The following SAMD11 variants were observed in gnomAD, a reference collection of about 807,000 sequenced individuals.
The protein encoded by SAMD11 is sterile alpha motif domain containing 11, also known as sterile alpha motif domain-containing protein 11.
SAMD11 carries 77 observed loss-of-function variants against 64.4 expected under a neutral mutation model. The observed-to-expected ratio is 1.20, with a 90% confidence interval of 0.99 to 1.44. The LOEUF (loss-of-function observed/expected upper bound fraction) is 1.44. Among genes scored for constraint, SAMD11 ranks in the 40% most tolerant of loss-of-function variants. The probability of loss-of-function intolerance (pLI) is 0.00; values close to 1 mark genes in which losing one functional copy is unlikely to be tolerated. For missense variants in SAMD11, 1,402 were observed against 943.3 expected (o/e 1.49, Z -6.37); for synonymous variants, 658 against 421.9 (o/e 1.56, Z -6.86).
intron 2 of SAMD11, among the ~76,000 whole-genome samples, chr1:928,069 G>A (rs1258452958): frequency 3.3e-5 from 5 of 152,260 alleles, no homozygotes; most frequent in African/African-American, 9.6e-5. Context: ...AAGAAGCAGA[G>A]AGCAAAGCAT....
rs368585861 is a variant in SAMD11, at chr1:939,368, T to C, written c.1151T>C (p.Phe384Ser). The change falls in exon 7 of 14, where the codon TTT becomes TCT. Residue 384 changes from phenylalanine to serine, a missense_variant. Transcript: ENST00000616016. ...TCAGCACTGAGCGAGGCCAGCACCTTTGAGGACCCTCAGCGCCTCTACCAC... is the reference window on the plus strand; with the variant it reads ...TCAGCACTGAGCGAGGCCAGCACCTCTGAGGACCCTCAGCGCCTCTACCAC... ...LVSALSEAST[F>S]EDPQRLYHLG... The C allele has an allele frequency of 2.2e-5, 35 of 1,605,754 alleles. No individual in the cohort carries two copies. The highest frequency in any genetic ancestry group is 5.1e-6 in the Non-Finnish European group (6 of 1,179,444).
In SAMD11 at chr1:936,152, AG is replaced by A. The variant is rs756684605; in HGVS notation, c.967+259del. Among the ~76,000 whole-genome samples the A allele has an allele frequency of 2.6e-5, 4 of 152,168 alleles. No homozygotes were observed. The East Asian group carries it at 5.8e-4, about 22-fold the overall frequency. ...CGGGGCCCTGCCACCCCCTTTCCAC[AG>A]GGCAGACGTAGGCGTGGCCTCAGAG... On this transcript the variant is annotated intron_variant, in intron 5 of 13. Coordinates refer to ENST00000616016, the MANE Select transcript of SAMD11 (RefSeq NM_001385641.1).
chr1:936,539 C>T (rs563773989), intron 5 of SAMD11, among the ~76,000 whole-genome samples: 112 of 152,178 alleles, frequency 7.4e-4, no homozygotes, highest in African/African-American at 2.2e-3. Flanking sequence ...GGGGACCAGG[C>T]CCCCCTCAGA....
chr1:926,490 G>A (rs1640898060), intron 2 of SAMD11, among the ~76,000 whole-genome samples: 1 of 152,194 alleles, frequency 6.6e-6, no homozygotes, highest in Admixed American at 6.5e-5. Flanking sequence ...AAGGCCAGAG[G>A]GTGCAAGGGC....
Position 943,289 on chromosome 1 carries a change from C to T in SAMD11, c.2090C>T (p.Ala697Val), listed in dbSNP as rs1176980709. 2 of 1,612,592 alleles carry T rather than the reference C, an allele frequency of 1.2e-6. No individual in the cohort carries two copies. Among genetic ancestry groups the T allele is most frequent in the South Asian group, 1.1e-5 (1 of 91,060 alleles). The change falls in exon 12 of 14, where the codon GCC becomes GTC. Residue 697 changes from alanine (A) to valine (V), a missense_variant. Ala to Val is a moderately conservative substitution (Grantham distance 64, BLOSUM62 0). Transcript: ENST00000616016. ...VGGLSMDGEE[A>V]PAPEDVTKWT... The stretch of plus-strand genomic sequence containing the variant: ...GGACTCTCCATGGATGGGGAGGAGG[C>T]CCCAGCCCCTGAGGACGTCACCAAG...
At chr1:938,541 C>T (rs944624761) in intron 5 of SAMD11, among the ~76,000 whole-genome samples, 17 of 152,090 alleles carry the variant, frequency 1.1e-4, no homozygotes, top group Admixed American at 7.9e-4. Flanking sequence ...GGAGGCGCCT[C>T]GAGGCGGCCT....
At chr1:941,014 A>ACCAG (rs1408417188) in intron 7 of SAMD11, 130 bp from the exon 8 acceptor site, 1 of 776,296 alleles carries the variant, frequency 1.3e-6, no homozygotes, top group East Asian at 3.1e-5. Context: ...CGTGCCCGAG[A>ACCAG]CCAGCCCAGG....
At chr1:933,907 G>A (rs1641284902) in intron 4 of SAMD11, among the ~76,000 whole-genome samples, 1 of 152,132 alleles carries the variant, frequency 6.6e-6, no homozygotes, top group Admixed American at 6.5e-5. Context: ...GGTCAGGGGA[G>A]CCGGGAGCTA....
rs899747870 is a variant in SAMD11, at chr1:943,271, C to A, written c.2072C>A (p.Ser691Tyr). 1.2e-6 allele frequency: 2 copies of A among 1,612,726 alleles called. No homozygotes were observed. Among genetic ancestry groups the A allele is most frequent in the Non-Finnish European group, 1.7e-6 (2 of 1,179,864 alleles). ...YFHTGAVGGL[S>Y]MDGEEAPAPE... is the part of the protein sequence containing the mutation. ...AACTCAGGCGCGGTAGGGGGACTCT[C>A]CATGGATGGGGAGGAGGCCCCAGCC... The change falls in exon 12 of 14, where the codon TCC becomes TAC. Residue 691 changes from serine to tyrosine, a missense_variant. Ser to Tyr is a moderately radical substitution (Grantham distance 144). Transcript: ENST00000616016.
Position 939,037 on chromosome 1 carries a change from C to T in SAMD11, c.968-3C>T. 6.3e-7 allele frequency: 1 copy of T among 1,595,122 alleles called. No homozygotes were observed. The highest frequency in any genetic ancestry group is 8.5e-7 in the Non-Finnish European group (1 of 1,170,898). On this transcript the variant is annotated splice_polypyrimidine_tract_variant and splice_region_variant and intron_variant, in intron 5 of 13. Transcript: ENST00000616016. ...CAGGTGGGCACTCACTACCCTCCCG[C>T]AGGTGACCTGTTGGGCAAGAGGCTG... is the stretch of plus-strand genomic sequence containing the variant.
At chr1:932,630 C>A (rs539531468) in intron 4 of SAMD11, among the ~76,000 whole-genome samples, 15 of 152,162 alleles carry the variant, frequency 9.9e-5, no homozygotes, top group Non-Finnish European at 2.1e-4. Flanking sequence ...TCAGCCTGTC[C>A]CTGGGTCCTT....
intron 9 of SAMD11, 55 bp from the exon 10 acceptor site, chr1:942,355 G>A (rs1289337331): frequency 1.6e-6 from 2 of 1,214,860 alleles, no homozygotes; most frequent in Non-Finnish European, 2.2e-6. Flanking sequence ...ATTGCAAAGG[G>A]CCGGCTCGGA....
At chr1:941,095 G>A (rs1173965955) in intron 7 of SAMD11, 49 bp from the exon 8 acceptor site, 3 of 1,510,654 alleles carry the variant, frequency 2.0e-6, no homozygotes, top group Admixed American at 1.9e-5. Context: ...GGGCTGGGGA[G>A]GATGAGGGCG....
chr1:930,017 G>C, intron 2 of SAMD11, 138 bp from the exon 3 acceptor site: 15 of 1,033,662 alleles, frequency 1.5e-5, no homozygotes, highest in Non-Finnish European at 2.1e-5. Flanking sequence ...CCTCTGCCGT[G>C]CTTGGGGCTC....
At chr1:927,108 C>G (rs1419438925) in intron 2 of SAMD11, among the ~76,000 whole-genome samples, 2 of 152,152 alleles carry the variant, frequency 1.3e-5, no homozygotes, top group Non-Finnish European at 2.9e-5. Flanking sequence ...CACCCATGTG[C>G]CCACCTGACA....
At chr1:939,541 G>A in intron 7 of SAMD11, 129 bp downstream of exon 7, 5 of 1,519,566 alleles carry the variant, frequency 3.3e-6, no homozygotes, top group Non-Finnish European at 4.4e-6. Context: ...CTGAGGCCCT[G>A]CTGACACCAA....
chr1:932,924 C>T (rs1641236714), intron 4 of SAMD11, among the ~76,000 whole-genome samples: 1 of 152,246 alleles, frequency 6.6e-6, no homozygotes, highest in Non-Finnish European at 1.5e-5. Context: ...GGAAAATGGG[C>T]AAGGGCTAGG....
rs1642029182 is a variant in SAMD11, at chr1:944,522, C to T, written c.*369C>T. On this transcript the variant is annotated 3_prime_UTR_variant, in exon 14 of 14. Coordinates refer to ENST00000616016, the MANE Select transcript of SAMD11 (RefSeq NM_001385641.1). Reference sequence around the variant, plus strand: ...AGCAGCCACACCAGCCCAGCCCAGCCCAGCTCTCGATACGTTTGGTCTTTC... The same window carrying T: ...AGCAGCCACACCAGCCCAGCCCAGCTCAGCTCTCGATACGTTTGGTCTTTC... 1 of 627,318 alleles carries T rather than the reference C, an allele frequency of 1.6e-6. No individual in the cohort carries two copies. Among genetic ancestry groups the T allele is most frequent in the Non-Finnish European group, 2.7e-6 (1 of 372,234 alleles). 38.9% of individuals were successfully genotyped at this position (627,318 alleles called of 1,614,324 possible).
chr1:931,833 G>A (rs1037071660), intron 4 of SAMD11, among the ~76,000 whole-genome samples: 3 of 152,242 alleles, frequency 2.0e-5, no homozygotes, highest in Non-Finnish European at 4.4e-5. Context: ...AGAGGTCAAG[G>A]GAGTTGGGGG....
Sources: gnomAD v4.1 joint callset for allele counts (sites outside exome capture counted in the v4.1 genomes callset) on GRCh38, gnomAD v4.1.1 for gene constraint, MANE v1.5 for transcripts, NCBI Gene and HGNC (gene_info 2026-07-23, HGNC 2026-07-21) for gene names.